The following TBC1D22A variants were observed in gnomAD, a reference collection of about 807,000 sequenced individuals.
The protein encoded by TBC1D22A is TBC1 domain family member 22A.
TBC1D22A carries 38 observed loss-of-function variants against 60.2 expected under a neutral mutation model. The observed-to-expected ratio is 0.63, with a 90% CI of 0.49 to 0.83. The LOEUF (loss-of-function observed/expected upper bound fraction) is 0.83. Ranked by LOEUF, TBC1D22A falls within the 40% of genes least tolerant of loss-of-function variation. The pLI is 0.00. For synonymous variants in TBC1D22A, 302 were observed against 281.7 expected (o/e 1.07, Z -0.72); for missense variants, 628 against 701.0 (o/e 0.90, Z 1.18).
Position 47,009,583 on chromosome 22 carries a change from C to T in TBC1D22A, c.1201+11874C>T, listed in dbSNP as rs1305893036. On this transcript the variant is annotated intron_variant, in intron 10 of 12. Coordinates refer to ENST00000337137, the MANE Select transcript of TBC1D22A (RefSeq NM_014346.5). The surrounding 1 kb of genome is among the most constrained non-coding windows in gnomAD (Gnocchi z 5.8). Reference sequence around the variant, plus strand: ...ACGTCATCACCAGCATCATCATCACCATCACCATCATTCTGTCATCACCAT... The same window carrying T: ...ACGTCATCACCAGCATCATCATCACTATCACCATCATTCTGTCATCACCAT... 6.6e-6 allele frequency among the ~76,000 whole-genome samples: 1 copy of T among 152,064 alleles called. No individual in the cohort carries two copies. The highest frequency in any genetic ancestry group is 1.5e-5 in the Non-Finnish European group (1 of 68,004).
Position 47,173,601 on chromosome 22 carries a change from A to G in TBC1D22A, c.1529A>G (p.Asp510Gly), listed in dbSNP as rs763586138. 4 of 1,613,896 alleles carry G rather than the reference A, an allele frequency of 2.5e-6. 1 individual carries two copies. In the South Asian group the frequency reaches 4.4e-5, roughly 18 times the overall value. The part of the protein sequence containing the change: ...EAYRLKFAFA[D>G]APNHYKK ...TACCGCCTCAAGTTTGCTTTTGCCG[A>G]CGCCCCCAATCACTACAAGAAATGA... Residue 510 changes from aspartate to glycine, a missense_variant, in exon 13 of 13, where the codon GAC becomes GGC. Asp to Gly is a moderately conservative substitution (Grantham distance 94, BLOSUM62 -1). Coordinates refer to ENST00000337137, the MANE Select transcript of TBC1D22A (RefSeq NM_014346.5).
At chr22:46,951,422 A>G (rs137859120) in intron 8 of TBC1D22A, among the ~76,000 whole-genome samples, 1 of 152,196 alleles carries the variant, frequency 6.6e-6, no homozygotes, top group Non-Finnish European at 1.5e-5. Context: ...TTCATGTGTT[A>G]TGCATTTTCA....
intron 8 of TBC1D22A, among the ~76,000 whole-genome samples, chr22:46,917,146 CACACTTT>C: frequency 6.6e-6 from 1 of 152,304 alleles, no homozygotes; most frequent in Admixed American, 6.5e-5. Context: ...AGGCGGAAGA[CACACTTT>C]TTAGTCTAAT....
intron 4 of TBC1D22A, among the ~76,000 whole-genome samples, chr22:46,876,221 G>T (rs115185052): frequency 1.2e-4 from 19 of 152,140 alleles, no homozygotes; most frequent in African/African-American, 4.6e-4. Flanking sequence ...TCAGATTCTC[G>T]TATGTGCCTA....
chr22:47,126,522 T>C (rs1024645965), intron 12 of TBC1D22A, among the ~76,000 whole-genome samples: 1 of 152,242 alleles, frequency 6.6e-6, no homozygotes, highest in African/African-American at 2.4e-5. Context: ...CCCATCCACA[T>C]GTCATCTGCT....
chr22:46,946,311 A>G (rs2072536732), intron 8 of TBC1D22A, among the ~76,000 whole-genome samples: 1 of 152,232 alleles, frequency 6.6e-6, no homozygotes, highest in Non-Finnish European at 1.5e-5. Flanking sequence ...AGAGCTGGCC[A>G]GCACACACAG....
chr22:46,781,149 T>G (rs556048381), intron 1 of TBC1D22A, among the ~76,000 whole-genome samples: 1 of 151,060 alleles, frequency 6.6e-6, no homozygotes, highest in South Asian at 2.1e-4. Flanking sequence ...TGTTTTTTTT[T>G]TTTTTTTTAG....
chr22:47,066,636 C>G (rs962446720), intron 11 of TBC1D22A, among the ~76,000 whole-genome samples: 4 of 152,202 alleles, frequency 2.6e-5, no homozygotes, highest in African/African-American at 9.6e-5. Flanking sequence ...GAGTGCTGGC[C>G]AGCTCTGTCC....
chr22:46,940,951 G>C (rs1404279639), intron 8 of TBC1D22A, among the ~76,000 whole-genome samples: 1 of 138,630 alleles, frequency 7.2e-6, no homozygotes, highest in African/African-American at 2.7e-5. Context: ...AACAGCATGG[G>C]GACTGAGGCA....
intron 10 of TBC1D22A, among the ~76,000 whole-genome samples, chr22:47,034,218 C>G (rs1480524520): frequency 6.6e-6 from 1 of 152,230 alleles, no homozygotes; most frequent in Non-Finnish European, 1.5e-5. Context: ...TGGACCTGCA[C>G]TGCAGCCCTC....
chr22:47,156,934 G>C (rs2067743172), intron 12 of TBC1D22A, among the ~76,000 whole-genome samples: 1 of 152,198 alleles, frequency 6.6e-6, no homozygotes. Flanking sequence ...CATGAACCTT[G>C]GAGGCTTCCA....
At chr22:46,877,227 T>A (rs1486106009) in intron 4 of TBC1D22A, among the ~76,000 whole-genome samples, 2 of 152,240 alleles carry the variant, frequency 1.3e-5, no homozygotes, top group Non-Finnish European at 2.9e-5. Flanking sequence ...CACAAGCTTG[T>A]TTTGAGGATC....
chr22:47,154,374 G>A (rs976225115), intron 12 of TBC1D22A, among the ~76,000 whole-genome samples: 1 of 152,204 alleles, frequency 6.6e-6, no homozygotes, highest in Non-Finnish European at 1.5e-5. Context: ...TTTCATCTCT[G>A]ACTGACCGTA....
At chr22:47,163,346 C>G (rs568871067) in intron 12 of TBC1D22A, among the ~76,000 whole-genome samples, 5 of 152,374 alleles carry the variant, frequency 3.3e-5, no homozygotes, top group Admixed American at 1.3e-4. Context: ...TGCTTGCCCT[C>G]TCCCCATAAT....
chr22:46,770,120 C>T (rs983214586), intron 1 of TBC1D22A, among the ~76,000 whole-genome samples: 8 of 152,170 alleles, frequency 5.3e-5, no homozygotes, highest in East Asian at 1.9e-4. Flanking sequence ...TGTAACCTCA[C>T]GAGCTTTTGG....
chr22:47,166,937 C>T (rs1760171087), intron 12 of TBC1D22A, among the ~76,000 whole-genome samples: 1 of 152,262 alleles, frequency 6.6e-6, no homozygotes, highest in Non-Finnish European at 1.5e-5. Context: ...AGAGCTCCAG[C>T]ACCAGGCGGG....
chr22:46,903,936 C>T (rs770258636), intron 7 of TBC1D22A, among the ~76,000 whole-genome samples: 7 of 152,120 alleles, frequency 4.6e-5, no homozygotes, highest in East Asian at 1.9e-4. Context: ...TGCCCGTGGA[C>T]GCACCTTCAA....
At chr22:46,949,358 C>T (rs983135792) in intron 8 of TBC1D22A, among the ~76,000 whole-genome samples, 1 of 152,188 alleles carries the variant, frequency 6.6e-6, no homozygotes, top group African/African-American at 2.4e-5. Context: ...GAAACCTATG[C>T]CAGAGAAAGA....
chr22:47,002,745 G>A (rs1002789114), intron 10 of TBC1D22A, among the ~76,000 whole-genome samples: 3 of 152,210 alleles, frequency 2.0e-5, no homozygotes, highest in African/African-American at 7.2e-5. Context: ...AGGGGAGTGG[G>A]AAGAGCTGTT....
Sources: gnomAD v4.1 joint callset for allele counts (sites outside exome capture counted in the v4.1 genomes callset) on GRCh38, gnomAD v4.1.1 for gene constraint, Gnocchi (gnomAD v3.1) non-coding constraint, MANE v1.5 for transcripts, NCBI Gene and HGNC (gene_info 2026-07-23, HGNC 2026-07-21) for gene names.